The following PTPRK variants were observed in gnomAD, a reference collection of about 807,000 sequenced individuals.
PTPRK encodes the protein receptor-type tyrosine-protein phosphatase kappa.
A neutral mutation model predicts 178.0 loss-of-function variants in PTPRK; 75 were observed. That is an observed-to-expected ratio of 0.42 (90% CI 0.35 to 0.51). The LOEUF (loss-of-function observed/expected upper bound fraction) is 0.51, where lower values mean the gene tolerates loss of function less well. Ranked by LOEUF, PTPRK falls within the 20% of genes least tolerant of loss-of-function variation. The pLI, the probability that PTPRK is intolerant of heterozygous loss-of-function variation, is 0.02. For missense variants in PTPRK, 1,441 were observed against 1,797.8 expected, an observed-to-expected ratio of 0.80 and a Z score of 3.59; for synonymous variants, 637 against 620.6, an observed-to-expected ratio of 1.03 and a Z score of -0.39.
intron 13 of PTPRK, among the ~76,000 whole-genome samples, chr6:128,059,302 T>C (rs975288068): frequency 1.3e-5 from 2 of 152,176 alleles, no homozygotes; most frequent in Non-Finnish European, 2.9e-5. Context: ...TTAGGTATTG[T>C]TTAATTTCTC....
intron 7 of PTPRK, among the ~76,000 whole-genome samples, chr6:128,149,915 G>A (rs1797023186): frequency 6.6e-6 from 1 of 152,116 alleles, no homozygotes; most frequent in South Asian, 2.1e-4. Context: ...AATTGTAGAT[G>A]TTCACTATGG....
intron 3 of PTPRK, among the ~76,000 whole-genome samples, chr6:128,312,005 A>G (rs966223657): frequency 6.6e-6 from 1 of 152,182 alleles, no homozygotes; most frequent in African/African-American, 2.4e-5. Context: ...ATGGCAAAAA[A>G]TCCATTTTTA....
At chr6:128,028,935 A>G (rs1774799716) in intron 13 of PTPRK, among the ~76,000 whole-genome samples, 1 of 152,148 alleles carries the variant, frequency 6.6e-6, no homozygotes, top group Admixed American at 6.5e-5. Flanking sequence ...TGAGCTAAGA[A>G]TTCAGATTCA....
At chr6:127,976,104 A>G (rs902293527) in intron 27 of PTPRK, among the ~76,000 whole-genome samples, 4 of 152,142 alleles carry the variant, frequency 2.6e-5, no homozygotes, top group African/African-American at 9.7e-5. Flanking sequence ...TGGTAGCAGC[A>G]CTGGTTCTAC....
chr6:128,247,223 A>G (rs1407856816), intron 3 of PTPRK, among the ~76,000 whole-genome samples: 3 of 152,228 alleles, frequency 2.0e-5, no homozygotes, highest in African/African-American at 7.2e-5. Context: ...TACAGATACT[A>G]GAAAAATCTG....
chr6:128,229,611 G>C (rs897167994), intron 5 of PTPRK, among the ~76,000 whole-genome samples: 2 of 152,102 alleles, frequency 1.3e-5, no homozygotes, highest in Non-Finnish European at 2.9e-5. Context: ...ACAGTACCAG[G>C]TAGCAAGGAA....
intron 3 of PTPRK, among the ~76,000 whole-genome samples, chr6:128,303,291 T>G (rs1165365716): frequency 6.6e-6 from 1 of 152,164 alleles, no homozygotes; most frequent in Non-Finnish European, 1.5e-5. Flanking sequence ...CTGGTCGCCC[T>G]TTTTTGTTCC....
At chr6:128,095,048 G>A (rs1270429175) in intron 7 of PTPRK, among the ~76,000 whole-genome samples, 1 of 151,592 alleles carries the variant, frequency 6.6e-6, no homozygotes, top group Non-Finnish European at 1.5e-5. Flanking sequence ...TCACAAGAGA[G>A]GCCAAAGAGA....
intron 7 of PTPRK, among the ~76,000 whole-genome samples, chr6:128,162,822 C>T (rs760315339): frequency 1.3e-5 from 2 of 151,506 alleles, no homozygotes; most frequent in Admixed American, 1.3e-4. Context: ...TTTGTGCCTT[C>T]GGGTTTTCTG....
intron 1 of PTPRK, among the ~76,000 whole-genome samples, chr6:128,446,513 T>C (rs79342124): frequency 0.016 from 2,488 of 152,262 alleles, 28 homozygotes; most frequent in Non-Finnish European, 0.027. Context: ...CCTAATTTTT[T>C]AAAAATTCTT....
intron 2 of PTPRK, among the ~76,000 whole-genome samples, chr6:128,383,922 T>C (rs937511837): frequency 6.6e-6 from 1 of 152,176 alleles, no homozygotes. Context: ...AAACATTAAG[T>C]TAAATTATTT....
At chr6:128,277,866 G>A (rs952983316) in intron 3 of PTPRK, among the ~76,000 whole-genome samples, 8 of 152,096 alleles carry the variant, frequency 5.3e-5, no homozygotes, top group African/African-American at 1.9e-4. Flanking sequence ...ATGAGGGGCT[G>A]AATAATCTAA....
intron 3 of PTPRK, among the ~76,000 whole-genome samples, chr6:128,271,479 G>A (rs888189367): frequency 9.2e-5 from 14 of 152,066 alleles, no homozygotes; most frequent in African/African-American, 3.4e-4. Context: ...AGCTGTAGCT[G>A]GAAAATGGCT....
intron 7 of PTPRK, among the ~76,000 whole-genome samples, chr6:128,093,596 C>CA (rs1172145765): frequency 0.4 from 2,463 of 6,104 alleles, 884 homozygotes; most frequent in Non-Finnish European, 0.47. Flanking sequence ...GACTCTCTCT[C>CA]AAAAAAAAAA....
At chr6:128,413,063 A>G (rs1411052759) in intron 1 of PTPRK, among the ~76,000 whole-genome samples, 1 of 152,194 alleles carries the variant, frequency 6.6e-6, no homozygotes, top group Non-Finnish European at 1.5e-5. Flanking sequence ...TTATTTCAGC[A>G]TCTACAACCC....
chr6:128,317,272 C>T lies in PTPRK; in HGVS notation c.495+4767G>A, dbSNP rs9375560. Among the ~76,000 whole-genome samples the T allele has an allele frequency of 1.4e-4, 22 of 152,194 alleles. No homozygotes were observed. The East Asian group carries it at 2.3e-3, about 16-fold the overall frequency. On this transcript the variant is annotated intron_variant, in intron 3 of 29. Transcript: ENST00000368226. ...AGGTAAGAAACATTTACTTAGCACA[C>T]GTTCAAATATTAATACAAGTAAAAG... is the stretch of plus-strand genomic sequence containing the variant.
At position 128,005,086 on chromosome 6, in the gene PTPRK, C is replaced by A; in HGVS notation, c.2492G>T (p.Arg831Ile). ...TFMDQHNFSPRYENHSATAES... is the reference protein window; with the variant it reads ...TFMDQHNFSPIYENHSATAES... ...TAAAATTTTAATGAAAAACTTACATCTTGGACTAAAGTTATGTTGGTCCAT... is the reference window on the plus strand; with the variant it reads ...TAAAATTTTAATGAAAAACTTACATATTGGACTAAAGTTATGTTGGTCCAT... Residue 831 changes from arginine (R) to isoleucine (I), a missense_variant and splice_region_variant, in exon 15 of 30, where the codon AGA becomes ATA. Coordinates refer to ENST00000368226, the MANE Select transcript of PTPRK (RefSeq NM_002844.4). The A allele has an allele frequency of 2.5e-6, 4 of 1,605,692 alleles. No individual in the cohort carries two copies. The highest frequency in any genetic ancestry group is 3.4e-6 in the Non-Finnish European group (4 of 1,174,954).
chr6:127,979,037 G>A (rs1029814141), intron 25 of PTPRK, among the ~76,000 whole-genome samples: 1 of 151,974 alleles, frequency 6.6e-6, no homozygotes, highest in Non-Finnish European at 1.5e-5. Context: ...AAGAGCAGGT[G>A]GATTACAAGC....
At chr6:127,977,759 A>C (rs1248629201) in intron 25 of PTPRK, among the ~76,000 whole-genome samples, 1 of 152,184 alleles carries the variant, frequency 6.6e-6, no homozygotes, top group Non-Finnish European at 1.5e-5. Context: ...ATAAGCGGGG[A>C]GATAGCTCCT....
Sources: allele counts gnomAD v4.1 joint callset (sites outside exome capture counted in the v4.1 genomes callset), GRCh38; gene constraint gnomAD v4.1.1; transcripts MANE v1.5; gene names NCBI Gene and HGNC (gene_info 2026-07-23, HGNC 2026-07-21).